Variants in FRMD4A observed in about 807,000 individuals in gnomAD.
The protein encoded by FRMD4A is FERM domain containing 4A.
In FRMD4A, 29 loss-of-function variants were observed where a neutral mutation model predicts 129.1. The ratio of observed to expected loss-of-function variants is 0.22; its 90% CI spans 0.17 to 0.31. The LOEUF (loss-of-function observed/expected upper bound fraction) is 0.31, where lower values mean the gene tolerates loss of function less well. Among genes scored for constraint, FRMD4A ranks in the 10% least tolerant of loss-of-function variants. The pLI is 1.00. For synonymous variants in FRMD4A, 634 were observed against 571.6 expected, an observed-to-expected ratio of 1.11 and a Z score of -1.56; for missense variants, 1,272 against 1,375.8, an observed-to-expected ratio of 0.92 and a Z score of 1.19.
intron 2 of FRMD4A, among the ~76,000 whole-genome samples, chr10:14,269,685 C>T (rs1267757147): frequency 6.6e-6 from 1 of 152,216 alleles, no homozygotes; most frequent in Non-Finnish European, 1.5e-5. Context: ...ATACTCTCCA[C>T]ATCTCAAAGC....
At chr10:14,279,974 T>G (rs532018012) in intron 2 of FRMD4A, among the ~76,000 whole-genome samples, 96 of 152,330 alleles carry the variant, frequency 6.3e-4, no homozygotes, top group African/African-American at 2.1e-3. Flanking sequence ...ACAGTTAGAA[T>G]GAGCAGACTC....
intron 2 of FRMD4A, among the ~76,000 whole-genome samples, chr10:14,109,907 G>A (rs1391273141): frequency 6.6e-6 from 1 of 150,862 alleles, no homozygotes; most frequent in East Asian, 1.9e-4. Context: ...GGAGGCAGAG[G>A]TTGCAGTCAG....
At chr10:13,980,437 T>A (rs1442287149) in intron 2 of FRMD4A, among the ~76,000 whole-genome samples, 2 of 152,322 alleles carry the variant, frequency 1.3e-5, no homozygotes, top group Middle Eastern at 3.4e-3. Context: ...CGGTTAAAAT[T>A]AAAAATATAG....
At chr10:14,073,490 T>A (rs1173809942) in intron 2 of FRMD4A, among the ~76,000 whole-genome samples, 1 of 152,174 alleles carries the variant, frequency 6.6e-6, no homozygotes, top group Non-Finnish European at 1.5e-5. Context: ...TGGATAAATC[T>A]AGACACCAAG....
intron 10 of FRMD4A, 37 bp from the exon 11 acceptor site, chr10:13,740,288 C>G (rs1044919195): frequency 1.4e-6 from 2 of 1,434,804 alleles, no homozygotes; most frequent in South Asian, 2.3e-5. Flanking sequence ...AACACACACA[C>G]AATGCGCAAA....
At chr10:13,652,079 G>T in intron 23 of FRMD4A, 105 bp from the exon 24 acceptor site, 1 of 753,828 alleles carries the variant, frequency 1.3e-6, no homozygotes, top group South Asian at 1.4e-5. Flanking sequence ...TATCCGAAAG[G>T]CTTGCTGATT....
In FRMD4A at chr10:13,674,840, A is replaced by G. The variant is rs1454094939; in HGVS notation, c.1251+71T>C. 4.0e-6 allele frequency: 6 copies of G among 1,485,972 alleles called. No homozygotes were observed. In the East Asian group the frequency reaches 1.4e-4, roughly 34 times the overall value. 92.0% of individuals were successfully genotyped at this position (1,485,972 alleles called of 1,614,324 possible). Reference sequence around the variant, plus strand: ...CAGTCAAATGACATCAAAAAGATCAAATGACATCAGAAAGATCAGTGACAT... The same window carrying G: ...CAGTCAAATGACATCAAAAAGATCAGATGACATCAGAAAGATCAGTGACAT... On this transcript the variant is annotated intron_variant, in intron 16 of 24. Coordinates refer to ENST00000357447, the MANE Select transcript of FRMD4A (RefSeq NM_018027.5).
At chr10:14,257,045 C>T (rs2132028137) in intron 2 of FRMD4A, among the ~76,000 whole-genome samples, 1 of 152,230 alleles carries the variant, frequency 6.6e-6, no homozygotes, top group African/African-American at 2.4e-5. Flanking sequence ...AGTTAATTAA[C>T]TGGCTGGGTG....
At chr10:14,196,292 G>A (rs1455421740) in intron 2 of FRMD4A, among the ~76,000 whole-genome samples, 2 of 152,160 alleles carry the variant, frequency 1.3e-5, no homozygotes, top group African/African-American at 2.4e-5. Context: ...TCAACCTTGA[G>A]CTACTCAAAC....
rs1183103719 is a variant in FRMD4A, at chr10:13,720,629, T to C, written c.760-13516A>G. On this transcript the variant is annotated intron_variant, in intron 12 of 24. Coordinates refer to ENST00000357447, the MANE Select transcript of FRMD4A (RefSeq NM_018027.5). ...GTGGTACATACAGTAAGTTAGAAGA[T>C]AACAGGTTTGAAGCACAAATGGGAA... 2.0e-5 allele frequency among the ~76,000 whole-genome samples: 3 copies of C among 152,152 alleles called. No individual in the cohort carries two copies. In the East Asian group the frequency reaches 5.8e-4, roughly 29 times the overall value.
chr10:13,783,059 A>C, intron 5 of FRMD4A, 53 bp from the exon 6 acceptor site: 1 of 786,732 alleles, frequency 1.3e-6, no homozygotes, highest in Admixed American at 1.7e-5. Flanking sequence ...GCAGAAAATA[A>C]AGTGCTCTCT....
At chr10:13,652,179 C>A in intron 23 of FRMD4A, 1 of 592,878 alleles carries the variant, frequency 1.7e-6, no homozygotes, top group Non-Finnish European at 3.0e-6. Flanking sequence ...TTAGGAGGGA[C>A]GGGCCCTCTT....
intron 2 of FRMD4A, among the ~76,000 whole-genome samples, chr10:14,288,774 C>G (rs915650379): frequency 6.6e-6 from 1 of 152,044 alleles, no homozygotes; most frequent in Non-Finnish European, 1.5e-5. Flanking sequence ...AACAGCAACG[C>G]CCCATTTCTC....
intron 2 of FRMD4A, among the ~76,000 whole-genome samples, chr10:14,276,132 C>T (rs1399995261): frequency 6.6e-6 from 1 of 152,184 alleles, no homozygotes; most frequent in African/African-American, 2.4e-5. Flanking sequence ...ATCACATGAC[C>T]TCTGGGGGAT....
intron 2 of FRMD4A, among the ~76,000 whole-genome samples, chr10:14,291,388 C>G (rs1226025122): frequency 6.6e-6 from 1 of 152,084 alleles, no homozygotes; most frequent in East Asian, 1.9e-4. Flanking sequence ...AGGAGGAAGA[C>G]TTAAATATAG....
At chr10:13,971,831 G>C in intron 2 of FRMD4A, 12 of 1,303,954 alleles carry the variant, frequency 9.2e-6, no homozygotes, top group Non-Finnish European at 1.1e-5. Flanking sequence ...CAACCCTCTG[G>C]TCCCTGGCCC....
At chr10:14,004,944 G>C (rs1341361924) in intron 2 of FRMD4A, among the ~76,000 whole-genome samples, 1 of 151,708 alleles carries the variant, frequency 6.6e-6, no homozygotes, top group Non-Finnish European at 1.5e-5. Flanking sequence ...ACTTCTAATT[G>C]TTTTATTTAT....
chr10:14,079,110 G>C (rs2131729629), intron 2 of FRMD4A, among the ~76,000 whole-genome samples: 1 of 152,306 alleles, frequency 6.6e-6, no homozygotes, highest in Non-Finnish European at 1.5e-5. Flanking sequence ...TCCTGCTGTA[G>C]GTGCTTTTGT....
intron 2 of FRMD4A, among the ~76,000 whole-genome samples, chr10:13,867,643 T>A (rs1342538985): frequency 7.4e-6 from 1 of 135,336 alleles, no homozygotes; most frequent in Non-Finnish European, 1.5e-5. Flanking sequence ...TGATATATAA[T>A]ACATAATAAA....
Sources: gnomAD v4.1 joint callset for allele counts (sites outside exome capture counted in the v4.1 genomes callset) on GRCh38, gnomAD v4.1.1 for gene constraint, MANE v1.5 for transcripts, NCBI Gene and HGNC (gene_info 2026-07-23, HGNC 2026-07-21) for gene names.